Variants in NBAS observed in about 807,000 individuals in gnomAD.
NBAS encodes NBAS subunit of NRZ tethering complex.
A neutral mutation model predicts 302.5 loss-of-function variants in NBAS; 219 were observed. That is an observed-to-expected ratio of 0.72 (90% confidence interval 0.65 to 0.81). NBAS has a LOEUF of 0.81. Ranked by LOEUF, NBAS falls within the 30% of genes least tolerant of loss-of-function variation. The pLI is 0.00. For missense variants in NBAS, 2,932 were observed against 2,841.6 expected (o/e 1.03, Z -0.72); for synonymous variants, 1,118 against 1,021.6 (o/e 1.09, Z -1.80).
intron 21 of NBAS, among the ~76,000 whole-genome samples, chr2:15,460,265 T>C (rs1477778231): frequency 1.3e-5 from 2 of 152,228 alleles, no homozygotes; most frequent in African/African-American, 4.8e-5. Context: ...ATATTATAAT[T>C]ATCAATTCTG....
chr2:15,011,191 G>T, the NBAS span, among the ~76,000 whole-genome samples: 1 of 152,024 alleles, frequency 6.6e-6, no homozygotes, highest in African/African-American at 2.4e-5. Flanking sequence ...ATGGTTTAGG[G>T]TAGATAGGAT....
At chr2:14,937,354 C>T in the NBAS span, among the ~76,000 whole-genome samples, 9 of 152,186 alleles carry the variant, frequency 5.9e-5, no homozygotes, top group South Asian at 2.1e-4. Context: ...AACAACCACA[C>T]GCACAGCAAG....
chr2:14,959,043 T>G, the NBAS span, among the ~76,000 whole-genome samples: 1 of 151,796 alleles, frequency 6.6e-6, no homozygotes, highest in African/African-American at 2.4e-5. Context: ...AAGGAAGGAG[T>G]TGAGAAGAAC....
At chr2:15,075,496 AG>A in the NBAS span, among the ~76,000 whole-genome samples, 1 of 152,196 alleles carries the variant, frequency 6.6e-6, no homozygotes. Flanking sequence ...CCAACCAAAA[AG>A]CAACATTCAT....
the NBAS span, among the ~76,000 whole-genome samples, chr2:15,160,978 G>A: frequency 6.6e-6 from 1 of 152,214 alleles, no homozygotes; most frequent in Non-Finnish European, 1.5e-5. Context: ...TATACAAGGA[G>A]ATAACTGGAT....
chr2:15,436,152 C>T (rs1471545716), intron 21 of NBAS, among the ~76,000 whole-genome samples: 1 of 152,106 alleles, frequency 6.6e-6, no homozygotes, highest in Non-Finnish European at 1.5e-5. Flanking sequence ...AAGGAAAAAA[C>T]TCTTAAGAAC....
intron 48 of NBAS, among the ~76,000 whole-genome samples, chr2:15,205,147 T>A (rs1035589470): frequency 6.6e-6 from 1 of 152,234 alleles, no homozygotes; most frequent in African/African-American, 2.4e-5. Flanking sequence ...ATTTTGCTTG[T>A]TTCTTTGTTT....
the NBAS span, among the ~76,000 whole-genome samples, chr2:15,015,664 A>G: frequency 2.0e-4 from 31 of 152,350 alleles, no homozygotes; most frequent in African/African-American, 7.5e-4. Context: ...CATACATGAC[A>G]AACTCACAGC....
chr2:14,848,559 C>T, the NBAS span, among the ~76,000 whole-genome samples: 37 of 140,590 alleles, frequency 2.6e-4, 3 homozygotes, highest in African/African-American at 1.1e-3. Flanking sequence ...GAAGCTTGAA[C>T]TGGGTGGAGC....
the NBAS span, among the ~76,000 whole-genome samples, chr2:15,098,711 T>A: frequency 7.9e-5 from 11 of 139,260 alleles, no homozygotes; most frequent in East Asian, 8.0e-4. Flanking sequence ...ATTATATACA[T>A]TATATTATAT....
chr2:14,872,197 T>G, the NBAS span, among the ~76,000 whole-genome samples: 1 of 152,172 alleles, frequency 6.6e-6, no homozygotes, highest in South Asian at 2.1e-4. Context: ...ATAGTAATTC[T>G]AAATATTTAT....
chr2:15,225,798 A>G (rs184662891), intron 47 of NBAS, among the ~76,000 whole-genome samples: 1 of 152,312 alleles, frequency 6.6e-6, no homozygotes, highest in Admixed American at 6.5e-5. Flanking sequence ...TCCTTTTGAG[A>G]ATGACAAATA....
At chr2:15,463,788 C>CAAAAAAAAAAAAAAAAAAAAAAAA (rs55808465) in intron 19 of NBAS, among the ~76,000 whole-genome samples, 7 of 91,636 alleles carry the variant, frequency 7.6e-5, no homozygotes, top group African/African-American at 3.0e-4. Flanking sequence ...GAACCAAATG[C>CAAAAAAAAAAAAAAAAAAAAAAAA]AAAAAAAAAA....
intron 48 of NBAS, among the ~76,000 whole-genome samples, chr2:15,200,399 TAAAC>T (rs1393706787): frequency 2.0e-5 from 3 of 152,066 alleles, no homozygotes; most frequent in Non-Finnish European, 4.4e-5. Context: ...TTAGTGAAAA[TAAAC>T]AAAATAAACT....
chr2:15,007,750 T>G, the NBAS span, among the ~76,000 whole-genome samples: 561 of 152,296 alleles, frequency 3.7e-3, 2 homozygotes, highest in African/African-American at 0.013. Flanking sequence ...AGGATGATAG[T>G]AAAGGCTAAA....
chr2:15,349,373 T>C (rs1431892389), intron 35 of NBAS, among the ~76,000 whole-genome samples: 1 of 152,144 alleles, frequency 6.6e-6, no homozygotes, highest in Non-Finnish European at 1.5e-5. Flanking sequence ...AGAAATGTAA[T>C]GTGTTTTCAC....
At chr2:15,342,292 A>C (rs1172214433) in intron 35 of NBAS, among the ~76,000 whole-genome samples, 2 of 152,122 alleles carry the variant, frequency 1.3e-5, no homozygotes, top group Non-Finnish European at 2.9e-5. Context: ...ACAATAAATA[A>C]ATAAAATAAA....
chr2:14,907,431 C>T, the NBAS span: 1 of 152,264 alleles, frequency 6.6e-6, no homozygotes, highest in African/African-American at 2.4e-5. Context: ...CCAGAGAGAA[C>T]ACAGCATCTG....
intron 44 of NBAS, among the ~76,000 whole-genome samples, chr2:15,261,674 T>G (rs957583199): frequency 6.6e-6 from 1 of 152,150 alleles, no homozygotes; most frequent in African/African-American, 2.4e-5. Context: ...ATTCCTAAGT[T>G]TTTCAATAGC....
Sources: gnomAD v4.1 joint callset for allele counts (sites outside exome capture counted in the v4.1 genomes callset) on GRCh38, gnomAD v4.1.1 for gene constraint, MANE v1.5 for transcripts, NCBI Gene and HGNC (gene_info 2026-07-23, HGNC 2026-07-21) for gene names.